The following ALG10 variants were observed in gnomAD, a reference collection of about 807,000 sequenced individuals.
ALG10 encodes ALG10 alpha-1,2-glucosyltransferase.
Under a neutral mutation model 39.2 loss-of-function variants are expected in ALG10, and 25 were observed. The ratio of observed to expected loss-of-function variants is 0.64; its 90% confidence interval spans 0.46 to 0.89. The LOEUF (loss-of-function observed/expected upper bound fraction) is 0.89. ALG10 is among the 40% of genes least tolerant of loss of function. The probability of loss-of-function intolerance (pLI) is 0.00; values close to 1 mark genes in which losing one functional copy is unlikely to be tolerated. For missense variants in ALG10, 486 were observed against 546.6 expected (o/e 0.89, Z 1.11); for synonymous variants, 184 against 193.9 (o/e 0.95, Z 0.42).
rs777080063 is a variant in ALG10, at chr12:34,025,865, T to G, written c.372T>G (p.Ala124=). 1 of 1,613,988 alleles carries G rather than the reference T, an allele frequency of 6.2e-7. No homozygotes were observed. Among genetic ancestry groups the G allele is most frequent in the East Asian group, 2.2e-5 (1 of 44,868 alleles). ...TCTGTGTTTCTTCTTCCTCCAAGGC[T>G]GCCTCAAGTATCCAGAGAGTCTTGT... ...LFCKVQPRNK[A]ASSIQRVLST... Residue 124 remains alanine, a splice_region_variant and synonymous_variant, in exon 3 of 3, where the codon GCT becomes GCG. Coordinates refer to ENST00000266483, the MANE Select transcript of ALG10 (RefSeq NM_032834.4).
chr12:34,022,899 G>T lies in ALG10; in HGVS notation c.171+129G>T, dbSNP rs1290645024. On this transcript the variant is annotated intron_variant, in intron 1 of 2. Coordinates refer to ENST00000266483, the MANE Select transcript of ALG10 (RefSeq NM_032834.4). ...AGCCTCAGAACATGAAAGAAACTGG[G>T]TATAGTCTTTTGTTCCTGTCTCTGA... The T allele has an allele frequency of 9.3e-6, 12 of 1,287,544 alleles. No individual in the cohort carries two copies. In the East Asian group the frequency reaches 2.8e-4, roughly 30 times the overall value. The allele number at this position is 1,287,544 out of a possible 1,614,324, so 79.8% of individuals were successfully genotyped here.
rs755081340 is a variant in ALG10 at position 34,026,158 on chromosome 12, C to G, written c.665C>G (p.Pro222Arg). 16 of 1,613,976 alleles carry G rather than the reference C, an allele frequency of 9.9e-6. No homozygotes were observed. Among genetic ancestry groups the G allele is most frequent in the Admixed American group, 1.7e-5 (1 of 60,002 alleles). Residue 222 changes from proline to arginine, a missense_variant, in exon 3 of 3, where the codon CCT becomes CGT. Transcript: ENST00000266483. ...CAAAAGAAGGAAGACAGACTTCCAC[C>G]TATTAAAGGACCATTTGCAGAATTC... ...ELQKKEDRLPPIKGPFAEFRK... is the reference protein window; with the variant it reads ...ELQKKEDRLPRIKGPFAEFRK...
Position 34,026,005 on chromosome 12 carries a change from A to G in ALG10, c.512A>G (p.Asn171Ser), listed in dbSNP as rs760436672. The G allele has an allele frequency of 8.7e-6, 14 of 1,613,928 alleles. No individual in the cohort carries two copies. The South Asian group carries it at 1.1e-4, about 13-fold the overall frequency. Residue 171 changes from asparagine (N) to serine (S), a missense_variant, in exon 3 of 3, where the codon AAT becomes AGT. Physicochemically the swap from Asn to Ser is conservative, Grantham distance 46. Transcript: ENST00000266483. ...GCGTATTTGATGTGTCTTTATGGAA[A>G]TCATAAAACTTCAGCCTTCCTTGGA... ...LFAYLMCLYG[N>S]HKTSAFLGFC... is the part of the protein sequence containing the mutation.
At chr12:34,023,902 T>C (rs1942805013) in intron 1 of ALG10, 60 bp from the exon 2 acceptor site, 7 of 1,594,318 alleles carry the variant, frequency 4.4e-6, no homozygotes, top group African/African-American at 2.7e-5. Context: ...GCTTGACATA[T>C]TTGTGCCTGT....
Position 34,027,057 on chromosome 12 carries a change from T to A in ALG10, c.*142T>A, listed in dbSNP as rs1267421462. 13 of 849,212 alleles carry A rather than the reference T, an allele frequency of 1.5e-5. No homozygotes were observed. The highest frequency in any genetic ancestry group is 3.9e-4 in the Middle Eastern group (1 of 2,570). The allele number at this position is 849,212 out of a possible 1,614,324, so 52.6% of individuals were successfully genotyped here. ...TTACATTAGTTTTTTTTATATATAT[T>A]TTAAACATATGTAAGAAATTAAGTG... On this transcript the variant is annotated 3_prime_UTR_variant, in exon 3 of 3. Transcript: ENST00000266483.
At chr12:34,023,894 T>C (rs1353182178) in intron 1 of ALG10, 68 bp from the exon 2 acceptor site, 11 of 1,577,802 alleles carry the variant, frequency 7.0e-6, no homozygotes, top group Non-Finnish European at 8.7e-6. Context: ...AGACTTGGGC[T>C]TGACATATTT....
At chr12:34,024,438 A>T (rs1166183107) in intron 2 of ALG10, among the ~76,000 whole-genome samples, 1 of 152,196 alleles carries the variant, frequency 6.6e-6, no homozygotes, top group Non-Finnish European at 1.5e-5. Flanking sequence ...TGTGCTAGGG[A>T]CTGGGACTAC....
At chr12:34,025,603 T>C (rs1044948095) in intron 2 of ALG10, among the ~76,000 whole-genome samples, 46 of 152,176 alleles carry the variant, frequency 3.0e-4, no homozygotes, top group African/African-American at 1.0e-3. Flanking sequence ...ATTGCCTGAT[T>C]CCAATTGTGT....
Position 34,024,102 on chromosome 12 carries a change from T to G in ALG10, c.312T>G (p.Ser104Arg). Residue 104 changes from serine (S) to arginine (R), a missense_variant, in exon 2 of 3, where the codon AGT (serine) becomes AGG (arginine). Coordinates refer to ENST00000266483, the MANE Select transcript of ALG10 (RefSeq NM_032834.4). ...TCAGATTTGTTAATCTTCTCTTCAG[T>G]GTTGGCAACTTCTATTTACTATATT... The part of the protein sequence containing the change: ...GMLRFVNLLF[S>R]VGNFYLLYLL... The G allele has an allele frequency of 6.2e-7, 1 of 1,614,162 alleles. No individual in the cohort carries two copies. The highest frequency in any genetic ancestry group is 1.1e-5 in the South Asian group (1 of 91,082).
chr12:34,026,328 C>G lies in ALG10; in HGVS notation c.835C>G (p.Arg279Gly), dbSNP rs774115772. 2 of 1,614,012 alleles carry G rather than the reference C, an allele frequency of 1.2e-6. No homozygotes were observed. The highest frequency in any genetic ancestry group is 4.5e-5 in the East Asian group (2 of 44,874). The change falls in exon 3 of 3, where the codon CGG becomes GGG. Residue 279 changes from arginine (R) to glycine (G), a missense_variant. Coordinates refer to ENST00000266483, the MANE Select transcript of ALG10 (RefSeq NM_032834.4). Reference sequence around the variant, plus strand: ...TAATGGTGGAATTGTTATTGGCGATCGGAGTAGTCATGAAGCCTGTCTTCA... The same window carrying G: ...TAATGGTGGAATTGTTATTGGCGATGGGAGTAGTCATGAAGCCTGTCTTCA... ...VVNGGIVIGD[R>G]SSHEACLHFP...
rs201824550 is a variant in ALG10 at position 34,026,713 on chromosome 12, T to C, written c.1220T>C (p.Ile407Thr). ...TTTTTCATATGCTTGTTCACTGTTA[T>C]AGTTCCTCAGAAACTGCTGGAATTT... ...LMFFICLFTV[I>T]VPQKLLEFRY... Residue 407 changes from isoleucine (I) to threonine (T), a missense_variant, in exon 3 of 3, where the codon ATA becomes ACA. Physicochemically the swap from Ile to Thr is moderately conservative, Grantham distance 89 (BLOSUM62 -1). Transcript: ENST00000266483. 6.5e-5 allele frequency: 105 copies of C among 1,613,966 alleles called. No individual in the cohort carries two copies. In the African/African-American group the frequency reaches 1.3e-3, roughly 20 times the overall value.
At position 34,022,498 on chromosome 12, in the gene ALG10, T is replaced by C. The variant is rs1249649735; in HGVS notation, c.-102T>C. On this transcript the variant is annotated 5_prime_UTR_variant, in exon 1 of 3. Coordinates refer to ENST00000266483, the MANE Select transcript of ALG10 (RefSeq NM_032834.4). Reference sequence around the variant, plus strand: ...CCGGTATGTGGCCCCGTCTGGCTAGTCCCGCCTAGCGCGCCCATTTCGAGC... The same window carrying C: ...CCGGTATGTGGCCCCGTCTGGCTAGCCCCGCCTAGCGCGCCCATTTCGAGC... 14 of 1,590,640 alleles carry C rather than the reference T, an allele frequency of 8.8e-6. No homozygotes were observed. The East Asian group carries it at 2.7e-4, about 30-fold the overall frequency.
At chr12:34,023,350 T>C (rs1183308824) in intron 1 of ALG10, 1 of 167,196 alleles carries the variant, frequency 6.0e-6, no homozygotes, top group Non-Finnish European at 1.3e-5. Context: ...ATCCCCTGCT[T>C]CTCTGGTGAC....
At position 34,024,162 on chromosome 12, in the gene ALG10, AT is replaced by A. The variant is rs1429676024; in HGVS notation, c.369+4del. The stretch of plus-strand genomic sequence containing the variant: ...GCAAGGTACAACCCAGAAACAAGGT[AT>A]GTTTCAAAATACTTAATTACAAGTT... On this transcript the variant is annotated splice_donor_region_variant and intron_variant, in intron 2 of 2. Transcript: ENST00000266483. The A allele has an allele frequency of 1.2e-6, 2 of 1,613,346 alleles. No homozygotes were observed. The highest frequency in any genetic ancestry group is 2.7e-5 in the African/African-American group (2 of 74,914).
chr12:34,022,515 A>C lies in ALG10; in HGVS notation c.-85A>C. ...CTGGCTAGTCCCGCCTAGCGCGCCC[A>C]TTTCGAGCCCAAGTTTCCAGCTCGG... On this transcript the variant is annotated 5_prime_UTR_variant, in exon 1 of 3. Coordinates refer to ENST00000266483, the MANE Select transcript of ALG10 (RefSeq NM_032834.4). 1.2e-6 allele frequency: 2 copies of C among 1,610,422 alleles called. No individual in the cohort carries two copies. Among genetic ancestry groups the C allele is most frequent in the South Asian group, 2.2e-5 (2 of 90,880 alleles).
At chr12:34,023,508 A>G (rs921171872) in intron 1 of ALG10, 7 of 188,402 alleles carry the variant, frequency 3.7e-5, no homozygotes, top group Non-Finnish European at 7.8e-5. Context: ...AATGACAATA[A>G]TCTTTACTAT....
Position 34,026,567 on chromosome 12 carries a change from G to A in ALG10, c.1074G>A (p.Val358=), listed in dbSNP as rs374731792. ...ACAATAGACATTATACTTTCTATGT[G>A]TGGAAAAGAGTTTTTCAAAGATATG... The part of the protein sequence containing the change: ...LADNRHYTFY[V]WKRVFQRYET... The change falls in exon 3 of 3, where the codon GTG becomes GTA. Residue 358 remains valine, a synonymous_variant. Transcript: ENST00000266483. The A allele has an allele frequency of 2.5e-6, 4 of 1,613,562 alleles. No individual in the cohort carries two copies. The African/African-American group carries it at 4.0e-5, about 16-fold the overall frequency.
upstream of ALG10, chr12:34,022,387 C>A: frequency 1.6e-6 from 1 of 614,454 alleles, no homozygotes; most frequent in Non-Finnish European, 2.7e-6. Flanking sequence ...AGAGGGTAAT[C>A]ATCCGGTCCG....
chr12:34,022,810 A>T (rs1324341178), intron 1 of ALG10, 40 bp downstream of exon 1: 1 of 1,613,394 alleles, frequency 6.2e-7, no homozygotes, highest in Non-Finnish European at 8.5e-7. Context: ...GAGAGGCCTG[A>T]GAGGTCCCAG....
Sources: gnomAD v4.1 joint callset for allele counts (sites outside exome capture counted in the v4.1 genomes callset) on GRCh38, gnomAD v4.1.1 for gene constraint, MANE v1.5 for transcripts, NCBI Gene and HGNC (gene_info 2026-07-23, HGNC 2026-07-21) for gene names.